Variants in GRM1 observed in about 807,000 individuals in gnomAD.
The protein encoded by GRM1 is glutamate metabotropic receptor 1.
GRM1 carries 33 observed loss-of-function variants against 90.9 expected under a neutral mutation model. The ratio of observed to expected loss-of-function variants is 0.36; its 90% CI spans 0.28 to 0.49. GRM1 has a LOEUF of 0.49. GRM1 is among the 20% of genes least tolerant of loss of function. The pLI is 0.99. For synonymous variants in GRM1, 700 were observed against 613.2 expected (o/e 1.14, Z -2.09); for missense variants, 1,190 against 1,534.3 (o/e 0.78, Z 3.75).
At chr6:146,078,705 G>A (rs1043273366) in intron 1 of GRM1, among the ~76,000 whole-genome samples, 8 of 152,134 alleles carry the variant, frequency 5.3e-5, no homozygotes, top group Admixed American at 1.3e-4. Context: ...ATTTCAGCAG[G>A]AACTTAATAA....
intron 2 of GRM1, among the ~76,000 whole-genome samples, chr6:146,225,690 A>G (rs577052734): frequency 6.6e-6 from 1 of 152,282 alleles, no homozygotes; most frequent in East Asian, 1.9e-4. Context: ...ATGAAAATAA[A>G]TTTAAGTTCT....
chr6:146,222,813 A>G (rs992176788), intron 2 of GRM1, among the ~76,000 whole-genome samples: 2 of 152,100 alleles, frequency 1.3e-5, no homozygotes, highest in Admixed American at 6.6e-5. Context: ...ATGAGTTTCT[A>G]AGTCAGAATG....
At chr6:146,281,365 G>A (rs1223452205) in intron 2 of GRM1, among the ~76,000 whole-genome samples, 1 of 152,140 alleles carries the variant, frequency 6.6e-6, no homozygotes, top group Non-Finnish European at 1.5e-5. Context: ...CTAACCCTTA[G>A]TAAGCAAGAT....
chr6:146,420,464 A>T (rs1006220166), intron 7 of GRM1, among the ~76,000 whole-genome samples: 2 of 152,210 alleles, frequency 1.3e-5, no homozygotes, highest in African/African-American at 2.4e-5. Flanking sequence ...AATGACTGTG[A>T]CTCAGCTCAG....
At chr6:146,294,551 C>T (rs1275246262) in intron 2 of GRM1, among the ~76,000 whole-genome samples, 3 of 151,972 alleles carry the variant, frequency 2.0e-5, no homozygotes, top group Non-Finnish European at 4.4e-5. Flanking sequence ...AGAAGGAGAC[C>T]TTATACATGT....
chr6:146,436,686 C>T lies in GRM1; in HGVS notation c.*1890C>T, dbSNP rs1000440514. The T allele has an allele frequency of 3.9e-5, 6 of 152,546 alleles. No homozygotes were observed. The highest frequency in any genetic ancestry group is 1.2e-4 in the African/African-American group (5 of 41,408). The allele number at this position is 152,546 out of a possible 1,614,324, so 9.4% of individuals were successfully genotyped here. A position where few individuals can be genotyped will look rare whatever the true frequency, so the allele number is the denominator to read the frequency against. On this transcript the variant is annotated 3_prime_UTR_variant, in exon 8 of 8. Transcript: ENST00000282753. ...CCATCTTTACAATCCCTTTTTACCA[C>T]CAATAAAAGGATTTTTCTTGCTGTT...
intron 2 of GRM1, among the ~76,000 whole-genome samples, chr6:146,198,850 G>C (rs1387110186): frequency 1.3e-5 from 2 of 152,162 alleles, no homozygotes; most frequent in Admixed American, 6.5e-5. Context: ...TCAGTAAGAT[G>C]TTTCCAGATC....
In GRM1 at chr6:146,304,732, A is replaced by G; in HGVS notation, c.1072A>G (p.Arg358Gly). 1.2e-6 allele frequency: 2 copies of G among 1,613,920 alleles called. No homozygotes were observed. Among genetic ancestry groups the G allele is most frequent in the Non-Finnish European group, 1.7e-6 (2 of 1,179,860 alleles). The stretch of plus-strand genomic sequence containing the variant: ...ATTTGATGATTATTTCCTGAAACTG[A>G]GGCTGGACACTAACACGAGGAATCC... ...RSFDDYFLKLRLDTNTRNPWF... is the reference protein window; with the variant it reads ...RSFDDYFLKLGLDTNTRNPWF... Residue 358 changes from arginine (R) to glycine (G), a missense_variant, in exon 3 of 8, where the codon AGG (arginine) becomes GGG (glycine). Arg to Gly is a moderately radical substitution (Grantham distance 125, BLOSUM62 -2). Around this residue, in one of 10 missense-constraint regions of GRM1, gnomAD observed 414 missense variants for 598.4 expected, o/e 0.69. Transcript: ENST00000282753.
At chr6:146,124,052 A>G (rs1776104484) in intron 1 of GRM1, among the ~76,000 whole-genome samples, 1 of 152,196 alleles carries the variant, frequency 6.6e-6, no homozygotes, top group African/African-American at 2.4e-5. Context: ...GCTTTGAATA[A>G]CAGTTTCAGA....
intron 1 of GRM1, among the ~76,000 whole-genome samples, chr6:146,120,308 A>T (rs1775930012): frequency 6.6e-6 from 1 of 152,178 alleles, no homozygotes; most frequent in Non-Finnish European, 1.5e-5. Context: ...ACTTTGCTGA[A>T]GTTGCCTATC....
At chr6:146,083,354 A>G (rs1383596386) in intron 1 of GRM1, among the ~76,000 whole-genome samples, 1 of 152,158 alleles carries the variant, frequency 6.6e-6, no homozygotes, top group Non-Finnish European at 1.5e-5. Context: ...ATTCAGTGTA[A>G]TAGTGGCTGT....
chr6:146,413,371 A>C (rs1777638919), intron 7 of GRM1, among the ~76,000 whole-genome samples: 2 of 152,086 alleles, frequency 1.3e-5, no homozygotes, highest in South Asian at 4.1e-4. Flanking sequence ...GTATTAGGTC[A>C]ATATTCTTAG....
At chr6:146,277,176 G>A (rs75546481) in intron 2 of GRM1, among the ~76,000 whole-genome samples, 6,221 of 152,280 alleles carry the variant, frequency 0.041, 181 homozygotes, top group Non-Finnish European at 0.065. Context: ...GTGTGTGATT[G>A]TTTGCATAGT....
chr6:146,121,305 G>A (rs1028156833), intron 1 of GRM1, among the ~76,000 whole-genome samples: 1 of 152,020 alleles, frequency 6.6e-6, no homozygotes, highest in African/African-American at 2.4e-5. Flanking sequence ...ATTTTTTATT[G>A]CGTCTATTTG....
intron 1 of GRM1, among the ~76,000 whole-genome samples, chr6:146,070,405 A>G (rs2128858290): frequency 6.6e-6 from 1 of 152,268 alleles, no homozygotes; most frequent in East Asian, 1.9e-4. Context: ...TATGAAGGGG[A>G]AAAATGAGAC....
intron 1 of GRM1, among the ~76,000 whole-genome samples, chr6:146,069,259 A>G (rs1775950710): frequency 6.6e-6 from 1 of 152,114 alleles, no homozygotes; most frequent in African/African-American, 2.4e-5. Context: ...GCATCTCTGA[A>G]CTTACTGGTT....
intron 7 of GRM1, among the ~76,000 whole-genome samples, chr6:146,408,914 C>A (rs1777458305): frequency 6.6e-6 from 1 of 151,894 alleles, no homozygotes; most frequent in African/African-American, 2.4e-5. Context: ...AGTCCAGGAG[C>A]AAAAGTATTG....
At chr6:146,137,011 C>T (rs1163737227) in intron 1 of GRM1, among the ~76,000 whole-genome samples, 1 of 152,120 alleles carries the variant, frequency 6.6e-6, no homozygotes, top group South Asian at 2.1e-4. Flanking sequence ...CACCACCACA[C>T]CCGGCTAATT....
intron 2 of GRM1, among the ~76,000 whole-genome samples, chr6:146,281,611 T>A (rs1303129311): frequency 2.0e-5 from 3 of 152,264 alleles, no homozygotes; most frequent in African/African-American, 4.8e-5. Flanking sequence ...ATTTTTTATG[T>A]TCCTTGTGGT....
Sources: allele counts gnomAD v4.1 joint callset (sites outside exome capture counted in the v4.1 genomes callset), GRCh38; gene constraint gnomAD v4.1.1; regional missense constraint gnomAD v4.1.1; transcripts MANE v1.5; gene names NCBI Gene and HGNC (gene_info 2026-07-23, HGNC 2026-07-21).